LRPPRC: variants seen among roughly 807,000 people sequenced by gnomAD.
The protein encoded by LRPPRC is leucine-rich PPR motif-containing protein, mitochondrial.
Under a neutral mutation model 180.3 loss-of-function variants are expected in LRPPRC, and 120 were observed. The observed-to-expected ratio is 0.67, with a 90% CI of 0.57 to 0.77. The LOEUF (loss-of-function observed/expected upper bound fraction) is 0.77. Ranked by LOEUF, LRPPRC falls within the 30% of genes least tolerant of loss-of-function variation. LRPPRC has a pLI of 0.00. For synonymous variants in LRPPRC, 723 were observed against 600.0 expected (o/e 1.21, Z -3.00); for missense variants, 2,012 against 1,657.2 (o/e 1.21, Z -3.72).
intron 1 of LRPPRC, among the ~76,000 whole-genome samples, chr2:43,983,051 A>G (rs1374025277): frequency 1.3e-5 from 2 of 152,174 alleles, no homozygotes; most frequent in African/African-American, 2.4e-5. Flanking sequence ...TCAAAATGTT[A>G]GCTGTATTCT....
In LRPPRC at chr2:43,987,200, A is replaced by G. The variant is rs149043549; in HGVS notation, c.150-4766T>C. Among the ~76,000 whole-genome samples the G allele has an allele frequency of 6.3e-3, 962 of 152,316 alleles. 7 individuals carry two copies. The highest frequency in any genetic ancestry group is 0.021 in the Middle Eastern group (6 of 292). ...TGCAAAAAGATAATGCCTTTTAAAAATGTTTGGTAATGAGCCGGACGCGGT... is the reference window on the plus strand; with the variant it reads ...TGCAAAAAGATAATGCCTTTTAAAAGTGTTTGGTAATGAGCCGGACGCGGT... On this transcript the variant is annotated intron_variant, in intron 1 of 37. Coordinates refer to ENST00000260665, the MANE Select transcript of LRPPRC (RefSeq NM_133259.4).
chr2:43,889,764 A>G lies in LRPPRC; in HGVS notation c.4098T>C (p.Ala1366=), dbSNP rs1161456389. 2.5e-6 allele frequency: 4 copies of G among 1,613,442 alleles called. No individual in the cohort carries two copies. The highest frequency in any genetic ancestry group is 1.6e-4 in the Middle Eastern group (1 of 6,062). The change falls in exon 37 of 38, where the codon GCT becomes GCC. Residue 1366 remains alanine, a synonymous_variant. Transcript: ENST00000260665. ...LKRYASLLKY[A]GEPVPFIEPP... is the part of the protein sequence containing the mutation. Reference sequence around the variant, plus strand: ...GTTCAATGAAAGGGACAGGCTCTCCAGCATACTTCAGCAAAGATGCGTAAC... The same window carrying G: ...GTTCAATGAAAGGGACAGGCTCTCCGGCATACTTCAGCAAAGATGCGTAAC...
At chr2:43,952,465 C>A (rs1672944304) in intron 14 of LRPPRC, among the ~76,000 whole-genome samples, 1 of 152,160 alleles carries the variant, frequency 6.6e-6, no homozygotes, top group Non-Finnish European at 1.5e-5. Flanking sequence ...GCCCCAAACT[C>A]CACTGAAACT....
intron 1 of LRPPRC, among the ~76,000 whole-genome samples, chr2:43,990,167 C>T (rs1399587999): frequency 2.0e-5 from 3 of 151,886 alleles, no homozygotes; most frequent in Non-Finnish European, 4.4e-5. Flanking sequence ...TGCAGTGAGC[C>T]GAGATGGCCC....
At chr2:43,904,401 T>C (rs1038231663) in intron 31 of LRPPRC, 1 of 152,064 alleles carries the variant, frequency 6.6e-6, no homozygotes, top group African/African-American at 2.4e-5. Flanking sequence ...ACTTATGTTA[T>C]AAACATGCAG....
intron 1 of LRPPRC, among the ~76,000 whole-genome samples, chr2:43,991,492 C>G (rs1055358252): frequency 5.3e-5 from 8 of 152,178 alleles, no homozygotes; most frequent in Non-Finnish European, 1.0e-4. Flanking sequence ...TACTTCCAAA[C>G]AGATTGAGCT....
chr2:43,939,892 C>A (rs1558975983), intron 23 of LRPPRC, among the ~76,000 whole-genome samples: 1 of 152,170 alleles, frequency 6.6e-6, no homozygotes, highest in African/African-American at 2.4e-5. Context: ...TGTTAAACAA[C>A]TGAATGATTA....
intron 16 of LRPPRC, among the ~76,000 whole-genome samples, chr2:43,948,750 T>G (rs537903780): frequency 6.6e-6 from 1 of 152,290 alleles, no homozygotes; most frequent in East Asian, 1.9e-4. Context: ...TTTTCAGTAC[T>G]GAATCTTACT....
intron 20 of LRPPRC, 85 bp from the exon 21 acceptor site, chr2:43,946,328 GA>G: frequency 9.6e-7 from 1 of 1,040,306 alleles, no homozygotes; most frequent in Non-Finnish European, 1.5e-6. Context: ...TCAGAGTTTA[GA>G]AAAAGTTAAT....
chr2:43,911,418 G>C (rs1671251334), intron 30 of LRPPRC, among the ~76,000 whole-genome samples: 1 of 151,860 alleles, frequency 6.6e-6, no homozygotes, highest in South Asian at 2.1e-4. Flanking sequence ...TGATGTGAAA[G>C]GATGGCAGGC....
intron 27 of LRPPRC, among the ~76,000 whole-genome samples, chr2:43,919,234 A>G (rs187617634): frequency 6.6e-6 from 1 of 152,040 alleles, no homozygotes; most frequent in Non-Finnish European, 1.5e-5. Context: ...TCATCCCCAA[A>G]CCATCCCCAT....
chr2:43,914,250 TA>T (rs1671362485), intron 29 of LRPPRC, among the ~76,000 whole-genome samples: 1 of 152,190 alleles, frequency 6.6e-6, no homozygotes, highest in Non-Finnish European at 1.5e-5. Flanking sequence ...GTTTTTTTTT[TA>T]ATTAGCATTT....
At position 43,910,256 on chromosome 2, in the gene LRPPRC, C is replaced by T. The variant is rs559912587; in HGVS notation, c.3275+2176G>A. 1.0e-4 allele frequency among the ~76,000 whole-genome samples: 15 copies of T among 146,056 alleles called. No individual in the cohort carries two copies. The East Asian group carries it at 3.0e-3, about 29-fold the overall frequency. On this transcript the variant is annotated intron_variant, in intron 30 of 37. Transcript: ENST00000260665. ...CTCTCTCCCTTTTTTTTTTTTGAGA[C>T]AGAGTCTTGCTCTGTCACACAGGCT...
chr2:43,920,079 TAAAAA>T (rs1023425078), intron 27 of LRPPRC, among the ~76,000 whole-genome samples: 1 of 79,478 alleles, frequency 1.3e-5, no homozygotes, highest in Admixed American at 1.6e-4. Context: ...ATCAGCAATT[TAAAAA>T]AAAAAAAAAA....
At chr2:43,956,142 C>T (rs1344249692) in intron 14 of LRPPRC, among the ~76,000 whole-genome samples, 1 of 146,418 alleles carries the variant, frequency 6.8e-6, no homozygotes, top group East Asian at 2.0e-4. Flanking sequence ...AAAAACAAAA[C>T]AAAACAAAAA....
intron 36 of LRPPRC, among the ~76,000 whole-genome samples, chr2:43,891,778 A>C (rs1229435574): frequency 6.6e-6 from 1 of 152,232 alleles, no homozygotes; most frequent in Non-Finnish European, 1.5e-5. Context: ...CGAGAAATGA[A>C]ATGATTAAGC....
chr2:43,929,381 G>A (rs1672001475), intron 25 of LRPPRC, among the ~76,000 whole-genome samples: 1 of 152,144 alleles, frequency 6.6e-6, no homozygotes, highest in Non-Finnish European at 1.5e-5. Flanking sequence ...GCTGTGAATG[G>A]CAGCATGTAT....
At chr2:43,957,876 T>C (rs1260405877) in intron 13 of LRPPRC, among the ~76,000 whole-genome samples, 1 of 152,184 alleles carries the variant, frequency 6.6e-6, no homozygotes, top group East Asian at 1.9e-4. Flanking sequence ...CGGAGAGGTG[T>C]TGGGTTCTGT....
Position 43,901,445 on chromosome 2 carries a change from T to C in LRPPRC, c.3444A>G (p.Ala1148=), listed in dbSNP as rs771216287. ...TTTCAACATCACCCTTCATGGCCAATGCCTGGATGACACGGGTCACTGCTA... is the reference window on the plus strand; with the variant it reads ...TTTCAACATCACCCTTCATGGCCAACGCCTGGATGACACGGGTCACTGCTA... ...SRLAVTRVIQ[A]LAMKGDVENI... is the part of the protein sequence containing the mutation. The change falls in exon 32 of 38, where the codon GCA becomes GCG. Residue 1148 remains alanine, a synonymous_variant. Coordinates refer to ENST00000260665, the MANE Select transcript of LRPPRC (RefSeq NM_133259.4). 4 of 1,613,702 alleles carry C rather than the reference T, an allele frequency of 2.5e-6. No individual in the cohort carries two copies. The Admixed American group carries it at 5.0e-5, about 20-fold the overall frequency.
Sources: allele counts gnomAD v4.1 joint callset (sites outside exome capture counted in the v4.1 genomes callset), GRCh38; gene constraint gnomAD v4.1.1; transcripts MANE v1.5; gene names NCBI Gene and HGNC (gene_info 2026-07-23, HGNC 2026-07-21).